The following A2ML1 variants were observed in gnomAD, a reference collection of about 807,000 sequenced individuals.
A2ML1 encodes the protein alpha-2-macroglobulin-like protein 1.
In A2ML1, 161 loss-of-function variants were observed where a neutral mutation model predicts 181.9. That is an observed-to-expected ratio of 0.89 (90% confidence interval 0.78 to 1.01). The LOEUF is 1.01. Among genes scored for constraint, A2ML1 ranks in the 50% least tolerant of loss-of-function variants. The pLI, the probability that A2ML1 is intolerant of heterozygous loss-of-function variation, is 0.00. For missense variants in A2ML1, 1,670 were observed against 1,768.1 expected, an observed-to-expected ratio of 0.94 and a Z score of 1.00; for synonymous variants, 663 against 666.8, an observed-to-expected ratio of 0.99 and a Z score of 0.09.
At chr12:8,838,914 TAAA>T (rs11314317) in intron 9 of A2ML1, among the ~76,000 whole-genome samples, 196 bp from the exon 10 acceptor site, 7 of 110,694 alleles carry the variant, frequency 6.3e-5, no homozygotes, top group African/African-American at 6.7e-5. Flanking sequence ...GACTCCATCT[TAAA>T]AAAAAAAAAA....
intron 25 of A2ML1, 104 bp downstream of exon 25, chr12:8,857,692 A>T: frequency 7.6e-7 from 1 of 1,308,312 alleles, no homozygotes; most frequent in Non-Finnish European, 1.1e-6. Context: ...TCCTTCTTGC[A>T]CTCAGTCTTC....
intron 26 of A2ML1, 49 bp downstream of exon 26, chr12:8,858,151 C>A: frequency 6.3e-7 from 1 of 1,584,472 alleles, no homozygotes; most frequent in Middle Eastern, 1.9e-4. Flanking sequence ...TCGAAGGACC[C>A]CACACCTCTG....
At position 8,845,868 on chromosome 12, in the gene A2ML1, AT is replaced by A. The variant is rs1565475764; in HGVS notation, c.1538-208del. Among the ~76,000 whole-genome samples the A allele has an allele frequency of 5.7e-3, 589 of 102,986 alleles. 25 individuals carry two copies. The highest frequency in any genetic ancestry group is 0.027 in the African/African-American group (554 of 20,584). 67.6% of individuals were successfully genotyped at this position (102,986 alleles called of 152,430 possible). On this transcript the variant is annotated intron_variant, in intron 13 of 35. Transcript: ENST00000299698. Reference sequence around the variant, plus strand: ...CCGTCTCAAAAAAAAAAAAAAATAAATAAAATAAAATAAAATAAAATAAAAA... The same window carrying A: ...CCGTCTCAAAAAAAAAAAAAAATAAAAAAATAAAATAAAATAAAATAAAAA...
At chr12:8,836,487 T>G (rs1360909451) in intron 7 of A2ML1, 148 bp downstream of exon 7, 1 of 595,272 alleles carries the variant, frequency 1.7e-6, no homozygotes, top group East Asian at 2.9e-5. Flanking sequence ...AGACCTTTTT[T>G]TTTTTTTTTT....
chr12:8,870,605 CT>C (rs1214944076), intron 33 of A2ML1, among the ~76,000 whole-genome samples: 1 of 152,148 alleles, frequency 6.6e-6, no homozygotes, highest in Non-Finnish European at 1.5e-5. Flanking sequence ...CTCGGGTTAG[CT>C]TATCTGGCAC....
intron 33 of A2ML1, among the ~76,000 whole-genome samples, chr12:8,873,315 C>T (rs931928093): frequency 4.0e-5 from 6 of 151,676 alleles, no homozygotes; most frequent in Non-Finnish European, 8.8e-5. Context: ...TCTTGGCTCA[C>T]TATAATCTCC....
rs1251960777 is a variant in A2ML1 at position 8,876,470 on chromosome 12, T to A, written c.*414T>A. 1 of 152,162 alleles carries A rather than the reference T, an allele frequency of 6.6e-6. No individual in the cohort carries two copies. The highest frequency in any genetic ancestry group is 1.5e-5 in the Non-Finnish European group (1 of 68,080). 9.4% of individuals were successfully genotyped at this position (152,162 alleles called of 1,614,324 possible). A position where few individuals can be genotyped will look rare whatever the true frequency, so the allele number is the denominator to read the frequency against. On this transcript the variant is annotated 3_prime_UTR_variant, in exon 36 of 36. Transcript: ENST00000299698. The stretch of plus-strand genomic sequence containing the variant: ...GGGCGGATCACTTGAGGTCAGGAGT[T>A]CAAGACCAGCCTGGCCAACATGGTA...
downstream of A2ML1, among the ~76,000 whole-genome samples, chr12:8,880,231 T>G (rs1944857492): frequency 6.6e-6 from 1 of 152,112 alleles, no homozygotes; most frequent in Non-Finnish European, 1.5e-5. Flanking sequence ...CCGAGTGTGG[T>G]GGCAGGTGCC....
chr12:8,822,659 C>T lies in A2ML1; in HGVS notation c.8C>T (p.Ala3Val). MW[A>V]QLLLGMLALS... ...TCTGTCTCACCCACAAAGATGTGGG[C>T]TCAGCTCCTTCTAGGAATGTTGGCC... is the stretch of plus-strand genomic sequence containing the variant. Residue 3 changes from alanine to valine, a missense_variant, in exon 1 of 36, where the codon GCT (alanine) becomes GTT (valine). By Grantham distance (64) the Ala-to-Val change is moderately conservative. Transcript: ENST00000299698. 2 of 1,614,152 alleles carry T rather than the reference C, an allele frequency of 1.2e-6. No homozygotes were observed. The highest frequency in any genetic ancestry group is 1.3e-5 in the African/African-American group (1 of 75,068).
At chr12:8,866,747 A>G (rs1201554120) in intron 29 of A2ML1, among the ~76,000 whole-genome samples, 1 of 152,228 alleles carries the variant, frequency 6.6e-6, no homozygotes, top group Non-Finnish European at 1.5e-5. Flanking sequence ...TCACAGCTTC[A>G]CCAGGGTGGG....
At chr12:8,877,548 AAAG>A (rs1198797332), downstream of A2ML1, among the ~76,000 whole-genome samples, 2 of 152,244 alleles carry the variant, frequency 1.3e-5, no homozygotes, top group Non-Finnish European at 2.9e-5. Context: ...ACACTTCTCA[AAAG>A]AAGAGTACAA....
chr12:8,834,956 A>T (rs1943225145), intron 5 of A2ML1: 1 of 482,810 alleles, frequency 2.1e-6, no homozygotes, highest in Non-Finnish European at 3.7e-6. Flanking sequence ...TGCCCAGATG[A>T]CTTAACCAGG....
At chr12:8,877,517 G>A (rs1351111033), downstream of A2ML1, among the ~76,000 whole-genome samples, 2 of 152,124 alleles carry the variant, frequency 1.3e-5, no homozygotes, top group Non-Finnish European at 2.9e-5. Context: ...CCATTAAAAC[G>A]TGGGCAAGGG....
intron 34 of A2ML1, 26 bp from the exon 35 acceptor site, chr12:8,874,945 A>G (rs1944754297): frequency 6.2e-7 from 1 of 1,613,432 alleles, no homozygotes; most frequent in Non-Finnish European, 8.5e-7. Flanking sequence ...CCTCAAAGTA[A>G]TAATATGACT....
intron 29 of A2ML1, among the ~76,000 whole-genome samples, chr12:8,865,675 C>G (rs1385112056): frequency 6.6e-6 from 1 of 152,088 alleles, no homozygotes; most frequent in Non-Finnish European, 1.5e-5. Flanking sequence ...TTTCCTTTAT[C>G]TAGGTTAGGG....
rs889239818 is a variant in A2ML1, at chr12:8,869,315, T to G, written c.4221+112T>G. The G allele has an allele frequency of 3.0e-5, 32 of 1,057,322 alleles. 1 individual carries two copies. In the South Asian group the frequency reaches 4.2e-4, roughly 14 times the overall value. The allele number at this position is 1,057,322 out of a possible 1,614,324, so 65.5% of individuals were successfully genotyped here. A position where few individuals can be genotyped will look rare whatever the true frequency, so the allele number is the denominator to read the frequency against. ...CACATGGGGATGAGGGGCCTGGGAGTGAGTCCACACCATGCCATGAGTTCT... is the reference window on the plus strand; with the variant it reads ...CACATGGGGATGAGGGGCCTGGGAGGGAGTCCACACCATGCCATGAGTTCT... On this transcript the variant is annotated intron_variant, in intron 33 of 35. Coordinates refer to ENST00000299698, the MANE Select transcript of A2ML1 (RefSeq NM_144670.6).
At chr12:8,849,019 G>A in intron 16 of A2ML1, 105 bp downstream of exon 16, 2 of 1,273,208 alleles carry the variant, frequency 1.6e-6, no homozygotes, top group Non-Finnish European at 2.2e-6. Context: ...GGGCACTGAT[G>A]GGAACAAAAT....
chr12:8,862,761 G>A (rs903559295), intron 28 of A2ML1, among the ~76,000 whole-genome samples: 1 of 151,196 alleles, frequency 6.6e-6, no homozygotes. Flanking sequence ...CTGTTCCACC[G>A]TGTATTGGTT....
chr12:8,860,075 C>G (rs1004851397), intron 26 of A2ML1, among the ~76,000 whole-genome samples: 3 of 152,172 alleles, frequency 2.0e-5, no homozygotes, highest in Admixed American at 6.5e-5. Context: ...GGGTCTCACT[C>G]TGTCACCCAG....
Sources: gnomAD v4.1 joint callset for allele counts (sites outside exome capture counted in the v4.1 genomes callset) on GRCh38, gnomAD v4.1.1 for gene constraint, MANE v1.5 for transcripts, NCBI Gene and HGNC (gene_info 2026-07-23, HGNC 2026-07-21) for gene names.